Variants in ANKRD12 observed in about 807,000 individuals in gnomAD.
ANKRD12 encodes the protein ankyrin repeat domain-containing protein 12.
A neutral mutation model predicts 183.4 loss-of-function variants in ANKRD12; 85 were observed. The ratio of observed to expected loss-of-function variants is 0.46; its 90% CI spans 0.39 to 0.56. ANKRD12 has a LOEUF of 0.56. Ranked by LOEUF, ANKRD12 falls within the 20% of genes least tolerant of loss-of-function variation. The pLI, the probability that ANKRD12 is intolerant of heterozygous loss-of-function variation, is 0.00. For synonymous variants in ANKRD12, 914 were observed against 800.2 expected, an observed-to-expected ratio of 1.14 and a Z score of -2.40; for missense variants, 2,405 against 2,357.1, an observed-to-expected ratio of 1.02 and a Z score of -0.42.
rs549314374 is a variant in ANKRD12, at chr18:9,242,873, T to C, written c.944-11338T>C. On this transcript the variant is annotated intron_variant, in intron 8 of 12. Transcript: ENST00000262126. ...AATCTCTTACCAATATGTAATACTATAGTAATACAATGAAAATAAGTTCTT... is the reference window on the plus strand; with the variant it reads ...AATCTCTTACCAATATGTAATACTACAGTAATACAATGAAAATAAGTTCTT... 5.3e-5 allele frequency among the ~76,000 whole-genome samples: 8 copies of C among 152,312 alleles called. No individual in the cohort carries two copies. In the South Asian group the frequency reaches 1.0e-3, roughly 20 times the overall value.
chr18:9,182,619 G>T, intron 2 of ANKRD12, 100 bp downstream of exon 2: 1 of 662,806 alleles, frequency 1.5e-6, no homozygotes. Context: ...AACCAATATG[G>T]ATGCCAGATA....
intron 9 of ANKRD12, among the ~76,000 whole-genome samples, chr18:9,261,346 T>C (rs558258688): frequency 6.6e-6 from 1 of 152,360 alleles, no homozygotes; most frequent in Admixed American, 6.5e-5. Context: ...ATAGGTTCAC[T>C]GCAGAACTTA....
chr18:9,280,898 A>T, intron 12 of ANKRD12, 43 bp from the exon 13 acceptor site: 2 of 1,577,324 alleles, frequency 1.3e-6, no homozygotes, highest in Non-Finnish European at 1.7e-6. Flanking sequence ...AACAAAGCAA[A>T]GTTAACAGAA....
chr18:9,222,060 T>TGG lies in ANKRD12; in HGVS notation c.943+62_943+63dup. ...TGACATGATATTTGATAGAACATTC[T>TGG]GGATTCATTTGTAATATACAAAATG... On this transcript the variant is annotated intron_variant, in intron 8 of 12. Transcript: ENST00000262126. The TGG allele has an allele frequency of 1.9e-6, 3 of 1,571,728 alleles. No homozygotes were observed. In the South Asian group the frequency reaches 3.5e-5, roughly 18 times the overall value.
chr18:9,253,863 G>A (rs2038439678), intron 8 of ANKRD12, among the ~76,000 whole-genome samples: 1 of 152,136 alleles, frequency 6.6e-6, no homozygotes, highest in Admixed American at 6.5e-5. Context: ...CAACTGCTGG[G>A]TATACACCCA....
intron 8 of ANKRD12, 140 bp downstream of exon 8, chr18:9,222,139 C>A: frequency 9.5e-7 from 1 of 1,055,894 alleles, no homozygotes; most frequent in Non-Finnish European, 1.4e-6. Flanking sequence ...AGCTAACTAG[C>A]TAAGAATGAT....
chr18:9,199,559 A>G (rs1373920414), intron 3 of ANKRD12, among the ~76,000 whole-genome samples: 1 of 152,192 alleles, frequency 6.6e-6, no homozygotes, highest in Non-Finnish European at 1.5e-5. Flanking sequence ...AGGAGAAAGC[A>G]TATCATCTTA....
chr18:9,230,854 G>T (rs1205953424), intron 8 of ANKRD12, among the ~76,000 whole-genome samples: 1 of 151,520 alleles, frequency 6.6e-6, no homozygotes, highest in Non-Finnish European at 1.5e-5. Context: ...TTTTAGTAGA[G>T]ATGGGGTTTC....
chr18:9,258,959 C>T (rs118119355), intron 9 of ANKRD12, 28 bp downstream of exon 9: 16 of 1,558,062 alleles, frequency 1.0e-5, no homozygotes, highest in Non-Finnish European at 1.4e-5. Context: ...TTGCTATACA[C>T]CTGTAACACT....
intron 8 of ANKRD12, among the ~76,000 whole-genome samples, chr18:9,234,093 C>G (rs1025954667): frequency 6.6e-6 from 1 of 152,122 alleles, no homozygotes; most frequent in Non-Finnish European, 1.5e-5. Flanking sequence ...CTTTCTCACT[C>G]TCTTCAGCAG....
chr18:9,254,403 A>G lies in ANKRD12; in HGVS notation c.1136A>G (p.His379Arg), dbSNP rs1434993101. The stretch of plus-strand genomic sequence containing the variant: ...ATTAATAAGATGATTGATGATAGGC[A>G]TATTCTTAGGAAAGAACAACGAAAA... ...EEINKMIDDR[H>R]ILRKEQRKEN... Residue 379 changes from histidine (H) to arginine (R), a missense_variant, in exon 9 of 13, where the codon CAT becomes CGT. His to Arg is a conservative substitution (Grantham distance 29). This residue lies in a region of ANKRD12 where 1,983 missense variants were observed against 1,725.9 expected (regional missense o/e 1.15). Transcript: ENST00000262126. 1.9e-6 allele frequency: 3 copies of G among 1,599,880 alleles called. No homozygotes were observed. The highest frequency in any genetic ancestry group is 2.3e-5 in the South Asian group (2 of 86,940).
At chr18:9,262,398 G>C (rs1307158735) in intron 9 of ANKRD12, among the ~76,000 whole-genome samples, 1 of 152,198 alleles carries the variant, frequency 6.6e-6, no homozygotes, top group Non-Finnish European at 1.5e-5. Flanking sequence ...GGTAGAAAAA[G>C]AGTAGGGATC....
intron 3 of ANKRD12, among the ~76,000 whole-genome samples, chr18:9,201,892 G>C (rs1009171905): frequency 3.5e-4 from 53 of 151,142 alleles, no homozygotes; most frequent in African/African-American, 1.3e-3. Context: ...CAGTGGCACA[G>C]TCTCGGCTCA....
At chr18:9,153,220 G>A (rs1315132270) in intron 1 of ANKRD12, among the ~76,000 whole-genome samples, 1 of 152,216 alleles carries the variant, frequency 6.6e-6, no homozygotes, top group Non-Finnish European at 1.5e-5. Context: ...GCCATTTGAT[G>A]TCTGAAAATA....
intron 8 of ANKRD12, among the ~76,000 whole-genome samples, chr18:9,239,213 C>G (rs1390558030): frequency 6.6e-6 from 1 of 152,130 alleles, no homozygotes; most frequent in Non-Finnish European, 1.5e-5. Context: ...TATTTGGCTG[C>G]CCTCTGGATA....
chr18:9,276,318 AG>A (rs1385980002), intron 11 of ANKRD12, among the ~76,000 whole-genome samples: 6 of 152,244 alleles, frequency 3.9e-5, no homozygotes, highest in African/African-American at 1.4e-4. Flanking sequence ...AGTAGTACAA[AG>A]GATAATAGGG....
chr18:9,255,376 T>C lies in ANKRD12; in HGVS notation c.2109T>C (p.Ser703=), dbSNP rs777511366. 1 of 1,605,196 alleles carries C rather than the reference T, an allele frequency of 6.2e-7. No individual in the cohort carries two copies. Among genetic ancestry groups the C allele is most frequent in the South Asian group, 1.1e-5 (1 of 88,604 alleles). The change falls in exon 9 of 13, where the codon AGT becomes AGC. Residue 703 remains serine, a synonymous_variant. Coordinates refer to ENST00000262126, the MANE Select transcript of ANKRD12 (RefSeq NM_015208.5). The part of the protein sequence containing the change: ...REFWKENFFK[S]DETEDLFLNM... ...TTTGGAAAGAGAATTTTTTTAAAAGTGATGAAACTGAAGATCTCTTTTTAA... is the reference window on the plus strand; with the variant it reads ...TTTGGAAAGAGAATTTTTTTAAAAGCGATGAAACTGAAGATCTCTTTTTAA...
chr18:9,220,292 T>G (rs1288625427), intron 7 of ANKRD12, among the ~76,000 whole-genome samples: 1 of 152,244 alleles, frequency 6.6e-6, no homozygotes, highest in Non-Finnish European at 1.5e-5. Context: ...ACCATAGTTA[T>G]GTCCTCGAAA....
rs1260725065 is a variant in ANKRD12, at chr18:9,246,957, T to C, written c.944-7254T>C. 2.0e-5 allele frequency among the ~76,000 whole-genome samples: 3 copies of C among 149,350 alleles called. 1 individual carries two copies. On this transcript the variant is annotated intron_variant, in intron 8 of 12. Coordinates refer to ENST00000262126, the MANE Select transcript of ANKRD12 (RefSeq NM_015208.5). ...GTGACTTTGCACTACACCAGGCTGA[T>C]TGTTACTGAGTATAGGAAGTTCAGA...
Sources: gnomAD v4.1 joint callset for allele counts (sites outside exome capture counted in the v4.1 genomes callset) on GRCh38, gnomAD v4.1.1 for gene constraint, gnomAD v4.1.1 regional missense constraint, MANE v1.5 for transcripts, NCBI Gene and HGNC (gene_info 2026-07-23, HGNC 2026-07-21) for gene names.